The following FTO variants were observed in gnomAD, a reference collection of about 807,000 sequenced individuals.
FTO encodes the protein FTO alpha-ketoglutarate dependent dioxygenase, also known as alpha-ketoglutarate-dependent dioxygenase FTO.
In FTO, 47 loss-of-function variants were observed where a neutral mutation model predicts 63.9. The observed-to-expected ratio is 0.74, with a 90% CI of 0.58 to 0.94. FTO has a LOEUF of 0.94. Among genes scored for constraint, FTO ranks in the 40% least tolerant of loss-of-function variants. The probability of loss-of-function intolerance (pLI) is 0.00; values close to 1 mark genes in which losing one functional copy is unlikely to be tolerated. For synonymous variants in FTO, 207 were observed against 224.4 expected (o/e 0.92, Z 0.69); for missense variants, 562 against 618.1 (o/e 0.91, Z 0.96).
intron 8 of FTO, among the ~76,000 whole-genome samples, chr16:54,091,945 C>T (rs2086393679): frequency 6.6e-6 from 1 of 152,260 alleles, no homozygotes; most frequent in African/African-American, 2.4e-5. Flanking sequence ...ATAGTAGATG[C>T]TCAGAAAATG....
chr16:53,868,874 C>T (rs2080407959), intron 4 of FTO, among the ~76,000 whole-genome samples: 1 of 152,018 alleles, frequency 6.6e-6, no homozygotes, highest in East Asian at 1.9e-4. Flanking sequence ...CTCTGTCTCC[C>T]AGGCTGGAGT....
At chr16:53,903,738 A>G (rs1034277521) in intron 7 of FTO, among the ~76,000 whole-genome samples, 1 of 152,196 alleles carries the variant, frequency 6.6e-6, no homozygotes, top group Non-Finnish European at 1.5e-5. Flanking sequence ...TTTTACAAAT[A>G]ATATTGTAGT....
chr16:53,966,515 G>GT (rs1458608690), intron 8 of FTO, among the ~76,000 whole-genome samples: 16 of 152,216 alleles, frequency 1.1e-4, no homozygotes, highest in Non-Finnish European at 1.0e-4. Context: ...TGAAACCACA[G>GT]TTTGATTTCT....
At chr16:53,941,322 A>G (rs2082524271) in intron 8 of FTO, among the ~76,000 whole-genome samples, 1 of 152,222 alleles carries the variant, frequency 6.6e-6, no homozygotes, top group South Asian at 2.1e-4. Context: ...TAAGAATACA[A>G]TGGCTAGCAC....
chr16:54,002,904 G>T (rs1258934171), intron 8 of FTO, among the ~76,000 whole-genome samples: 1 of 152,182 alleles, frequency 6.6e-6, no homozygotes, highest in African/African-American at 2.4e-5. Context: ...ACAGGCTTTT[G>T]TTGACTTTCC....
chr16:53,890,491 G>A (rs935601812), intron 7 of FTO, among the ~76,000 whole-genome samples: 5 of 152,116 alleles, frequency 3.3e-5, no homozygotes, highest in African/African-American at 1.2e-4. Context: ...AAAATGTCAA[G>A]TCACAACTTT....
At chr16:53,897,688 T>TA (rs2081308309) in intron 7 of FTO, among the ~76,000 whole-genome samples, 1 of 152,180 alleles carries the variant, frequency 6.6e-6, no homozygotes, top group Admixed American at 6.5e-5. Context: ...TGTAATACAT[T>TA]AATATGTTCT....
chr16:53,998,520 A>G (rs1051640905), intron 8 of FTO: 2 of 152,194 alleles, frequency 1.3e-5, no homozygotes, highest in Non-Finnish European at 2.9e-5. Context: ...AGAAAACCCA[A>G]CTTAAATTGA....
At chr16:53,893,977 G>A (rs990266843) in intron 7 of FTO, among the ~76,000 whole-genome samples, 6 of 152,196 alleles carry the variant, frequency 3.9e-5, no homozygotes, top group Non-Finnish European at 8.8e-5. Flanking sequence ...TTTGGAAACA[G>A]TGTAAAACAC....
intron 8 of FTO, among the ~76,000 whole-genome samples, chr16:54,062,175 C>G (rs550741419): frequency 1.2e-4 from 18 of 152,174 alleles, no homozygotes; most frequent in African/African-American, 4.3e-4. Flanking sequence ...GCAGTCAACT[C>G]GTGGAAATGA....
chr16:53,957,890 C>T (rs35951481), intron 8 of FTO, among the ~76,000 whole-genome samples: 13,256 of 152,322 alleles, frequency 0.087, 580 homozygotes, highest in South Asian at 0.13. Flanking sequence ...CTCCTGCTAA[C>T]CGCTAATGTG....
At chr16:54,011,212 T>C (rs760369070) in intron 8 of FTO, among the ~76,000 whole-genome samples, 10 of 152,234 alleles carry the variant, frequency 6.6e-5, no homozygotes, top group Non-Finnish European at 1.3e-4. Context: ...AGTTTACATA[T>C]AGTCATAATA....
At chr16:53,847,621 A>G (rs537613230) in intron 4 of FTO, among the ~76,000 whole-genome samples, 8 of 152,062 alleles carry the variant, frequency 5.3e-5, no homozygotes, top group African/African-American at 1.9e-4. Flanking sequence ...TACAAAAATT[A>G]GCCGGGTGTG....
chr16:53,833,692 G>T lies in FTO; in HGVS notation c.751+7201G>T, dbSNP rs755470644. On this transcript the variant is annotated intron_variant, in intron 3 of 8. Transcript: ENST00000471389. Reference sequence around the variant, plus strand: ...AGCGACTGAACTGTTTTATATTCTCGCTGGCAATGCGCAAGGGCTCTAATT... The same window carrying T: ...AGCGACTGAACTGTTTTATATTCTCTCTGGCAATGCGCAAGGGCTCTAATT... 2.6e-5 allele frequency among the ~76,000 whole-genome samples: 4 copies of T among 152,228 alleles called. No homozygotes were observed. The East Asian group carries it at 7.7e-4, about 29-fold the overall frequency.
At chr16:53,813,980 TAAC>T (rs2078603579) in intron 2 of FTO, among the ~76,000 whole-genome samples, 1 of 152,084 alleles carries the variant, frequency 6.6e-6, no homozygotes, top group African/African-American at 2.4e-5. Context: ...CTGCCTCTCA[TAAC>T]AAGATTAAAA....
intron 8 of FTO, chr16:54,063,860 A>G (rs1171515846): frequency 6.6e-6 from 1 of 152,070 alleles, no homozygotes; most frequent in Non-Finnish European, 1.5e-5. Flanking sequence ...TAGAACAGTG[A>G]TCAGGATCGC....
intron 8 of FTO, among the ~76,000 whole-genome samples, chr16:54,056,994 A>G (rs2085451292): frequency 6.6e-6 from 1 of 152,204 alleles, no homozygotes; most frequent in Non-Finnish European, 1.5e-5. Flanking sequence ...GGATACCAAG[A>G]CAAATAAAGC....
chr16:53,711,571 G>T (rs941087008), intron 1 of FTO: 4 of 397,138 alleles, frequency 1.0e-5, no homozygotes, highest in Non-Finnish European at 1.8e-5. Flanking sequence ...CTGTTTAAAG[G>T]TGTATCCTTA....
chr16:53,775,124 A>G lies in FTO; in HGVS notation c.46-35016A>G, dbSNP rs1415452681. ...ATCCTCTGCACCATAGGAAGGCACA[A>G]TAAGAGGAGATTGGAAGGGTGCTGA... is the stretch of plus-strand genomic sequence containing the variant. On this transcript the variant is annotated intron_variant, in intron 1 of 8. Coordinates refer to ENST00000471389, the MANE Select transcript of FTO (RefSeq NM_001080432.3). Among the ~76,000 whole-genome samples, 3 of 152,290 alleles carry G rather than the reference A, an allele frequency of 2.0e-5. 1 individual carries two copies. Among genetic ancestry groups the G allele is most frequent in the South Asian group, 4.1e-4 (2 of 4,820 alleles).
Sources: allele counts gnomAD v4.1 joint callset (sites outside exome capture counted in the v4.1 genomes callset), GRCh38; gene constraint gnomAD v4.1.1; transcripts MANE v1.5; gene names NCBI Gene and HGNC (gene_info 2026-07-23, HGNC 2026-07-21).